The following SH3BP5L variants were observed in gnomAD, a reference collection of about 807,000 sequenced individuals.
SH3BP5L encodes SH3 domain-binding protein 5-like.
A neutral mutation model predicts 40.9 loss-of-function variants in SH3BP5L; 16 were observed. That is an observed-to-expected ratio of 0.39 (90% CI 0.27 to 0.59). The LOEUF (loss-of-function observed/expected upper bound fraction) is 0.59, where lower values mean the gene tolerates loss of function less well. Among genes scored for constraint, SH3BP5L ranks in the 20% least tolerant of loss-of-function variants. The probability of loss-of-function intolerance (pLI) is 0.53; values close to 1 mark genes in which losing one functional copy is unlikely to be tolerated. For missense variants in SH3BP5L, 471 were observed against 544.6 expected (o/e 0.86, Z 1.35); for synonymous variants, 229 against 226.7 (o/e 1.01, Z -0.09).
chr1:248,811,956 G>T lies in SH3BP5L; in HGVS notation c.1126C>A (p.Arg376=). 6.4e-7 allele frequency: 1 copy of T among 1,572,998 alleles called. No individual in the cohort carries two copies. The highest frequency in any genetic ancestry group is 2.3e-5 in the East Asian group (1 of 43,264). The change falls in exon 7 of 7, where the codon CGG becomes AGG. Residue 376 remains arginine, a synonymous_variant. Coordinates refer to ENST00000366472, the MANE Select transcript of SH3BP5L (RefSeq NM_030645.3). The stretch of plus-strand genomic sequence containing the variant: ...CCACGGGCTCCGCCGTCGCTGCCCC[G>T]GCGCCCTCCACTCCGCGTTCCCAGC... ...QELGTRSGGR[R]GSDGGARGGR...
intron 2 of SH3BP5L, among the ~76,000 whole-genome samples, chr1:248,817,249 G>C (rs991855875): frequency 6.6e-6 from 1 of 152,176 alleles, no homozygotes; most frequent in Non-Finnish European, 1.5e-5. Flanking sequence ...GAGTCTCCTT[G>C]GACCTGAAGG....
In SH3BP5L at chr1:248,825,276, G is replaced by C. The variant is rs1197786762; in HGVS notation, c.-341C>G. On this transcript the variant is annotated 5_prime_UTR_variant, in exon 2 of 7. Coordinates refer to ENST00000366472, the MANE Select transcript of SH3BP5L (RefSeq NM_030645.3). Reference sequence around the variant, plus strand: ...CTGCTAGGAGGAGCACCATTCGGGAGGGTGGAGGCAGGCGCCTCCAGGCTG... The same window carrying C: ...CTGCTAGGAGGAGCACCATTCGGGACGGTGGAGGCAGGCGCCTCCAGGCTG... 1 of 1,039,886 alleles carries C rather than the reference G, an allele frequency of 9.6e-7. No individual in the cohort carries two copies. Among genetic ancestry groups the C allele is most frequent in the Non-Finnish European group, 1.2e-6 (1 of 864,676 alleles). 64.4% of individuals were successfully genotyped at this position (1,039,886 alleles called of 1,614,324 possible).
chr1:248,824,978 G>T lies in SH3BP5L; in HGVS notation c.-43C>A, dbSNP rs992725142. 2.6e-6 allele frequency: 4 copies of T among 1,557,802 alleles called. No individual in the cohort carries two copies. The highest frequency in any genetic ancestry group is 2.6e-6 in the Non-Finnish European group (3 of 1,155,468). ...AGAGCCCTATGCACAAGAGAGGACTGACATGCTGGGACCAGGGCCCCAGCT... is the reference window on the plus strand; with the variant it reads ...AGAGCCCTATGCACAAGAGAGGACTTACATGCTGGGACCAGGGCCCCAGCT... On this transcript the variant is annotated 5_prime_UTR_variant, in exon 2 of 7. It introduces an in-frame stop codon into an upstream open reading frame of the 5' UTR. Transcript: ENST00000366472.
At position 248,812,020 on chromosome 1, in the gene SH3BP5L, C is replaced by G. The variant is rs776895965; in HGVS notation, c.1062G>C (p.Leu354Phe). ...GACTGACGTGGTCCGAGAGGCCTCG[C>G]AAGTGCTCCACGGAGTCGCACTTCT... ...DLQKCDSVEHLRGLSDHVSLD... is the reference protein window; with the variant it reads ...DLQKCDSVEHFRGLSDHVSLD... Residue 354 changes from leucine to phenylalanine, a missense_variant, in exon 7 of 7, where the codon TTG becomes TTC. This residue lies in a region of SH3BP5L where 196 missense variants were observed against 174.6 expected (regional missense o/e 1.12). Coordinates refer to ENST00000366472, the MANE Select transcript of SH3BP5L (RefSeq NM_030645.3). This position sits in a 1 kb window ranked among gnomAD's most constrained non-coding sequence, Gnocchi z 6.1. 1 of 1,611,950 alleles carries G rather than the reference C, an allele frequency of 6.2e-7. No individual in the cohort carries two copies. The highest frequency in any genetic ancestry group is 8.5e-7 in the Non-Finnish European group (1 of 1,179,432).
At chr1:248,824,151 C>T (rs1487139468) in intron 2 of SH3BP5L, among the ~76,000 whole-genome samples, 1 of 152,194 alleles carries the variant, frequency 6.6e-6, no homozygotes, top group African/African-American at 2.4e-5. Context: ...TAAGGATTGG[C>T]CACAACAAAA....
At position 248,818,924 on chromosome 1, in the gene SH3BP5L, C is replaced by T. The variant is rs144145146; in HGVS notation, c.184-2040G>A. On this transcript the variant is annotated intron_variant, in intron 2 of 6. Coordinates refer to ENST00000366472, the MANE Select transcript of SH3BP5L (RefSeq NM_030645.3). ...AGAGACCCAGCCCAGCATGTGCCTG[C>T]TGCCCAGACCCATGACTTGCACTTG... 1.3e-3 allele frequency among the ~76,000 whole-genome samples: 200 copies of T among 152,354 alleles called. 1 individual carries two copies. Among genetic ancestry groups the T allele is most frequent in the Middle Eastern group, 3.4e-3 (1 of 294 alleles).
At chr1:248,817,201 C>T (rs1328966920) in intron 2 of SH3BP5L, 1 of 531,858 alleles carries the variant, frequency 1.9e-6, no homozygotes, top group Non-Finnish European at 3.3e-6. Flanking sequence ...TGAGCCCTCA[C>T]TCTCTCCGTG....
intron 4 of SH3BP5L, chr1:248,814,919 G>A (rs1192909555): frequency 2.2e-6 from 1 of 448,384 alleles, no homozygotes; most frequent in African/African-American, 2.0e-5. Context: ...TTAGTGTAAG[G>A]TGGTTAGCAA....
intron 4 of SH3BP5L, 82 bp downstream of exon 4, chr1:248,816,452 T>A: frequency 1.3e-6 from 2 of 1,575,480 alleles, no homozygotes; most frequent in South Asian, 2.2e-5. Context: ...TGGTGTTTTG[T>A]CTCTCACTCC....
chr1:248,811,687 A>T lies in SH3BP5L; in HGVS notation c.*213T>A. 1.3e-5 allele frequency: 7 copies of T among 525,606 alleles called. No individual in the cohort carries two copies. The highest frequency in any genetic ancestry group is 2.8e-5 in the South Asian group (1 of 35,568). 32.6% of individuals were successfully genotyped at this position (525,606 alleles called of 1,614,324 possible). A position where few individuals can be genotyped will look rare whatever the true frequency, so the allele number is the denominator to read the frequency against. On this transcript the variant is annotated 3_prime_UTR_variant, in exon 7 of 7. Coordinates refer to ENST00000366472, the MANE Select transcript of SH3BP5L (RefSeq NM_030645.3). ...CCGAGGGCGAGCCTTCTGAATGGGTAAGGCAAAGAGAGCCGCCTGCTGAGG... is the reference window on the plus strand; with the variant it reads ...CCGAGGGCGAGCCTTCTGAATGGGTTAGGCAAAGAGAGCCGCCTGCTGAGG...
Position 248,814,526 on chromosome 1 carries a change from C to T in SH3BP5L, c.460G>A (p.Ala154Thr). 1 of 1,614,210 alleles carries T rather than the reference C, an allele frequency of 6.2e-7. No individual in the cohort carries two copies. Among genetic ancestry groups the T allele is most frequent in the Non-Finnish European group, 8.5e-7 (1 of 1,180,044 alleles). Residue 154 changes from alanine to threonine, a missense_variant, in exon 5 of 7, where the codon GCT becomes ACT. Physicochemically the swap from Ala to Thr is moderately conservative, Grantham distance 58. Coordinates refer to ENST00000366472, the MANE Select transcript of SH3BP5L (RefSeq NM_030645.3). The part of the protein sequence containing the change: ...HNAAREMVFV[A>T]EQGVMADKNR... ...TTGTCAGCCATGACGCCCTGCTCAG[C>T]CACAAACACCATTTCTCGAGCAGCG...
In SH3BP5L at chr1:248,813,105, G is replaced by A. The variant is rs149049712; in HGVS notation, c.595C>T (p.Arg199Trp). 1,262 of 1,611,272 alleles carry A rather than the reference G, an allele frequency of 7.8e-4. 1 individual carries two copies. The highest frequency in any genetic ancestry group is 9.8e-4 in the Non-Finnish European group (1,159 of 1,178,546). The change falls in exon 6 of 7, where the codon CGG (arginine) becomes TGG (tryptophan). Residue 199 changes from arginine (R) to tryptophan (W), a missense_variant. Around this residue, in one of 2 missense-constraint regions of SH3BP5L, gnomAD observed 275 missense variants for 370.1 expected, o/e 0.74. Transcript: ENST00000366472. Reference protein sequence around the residue: ...RGEREHQRVTRLCQQAEARVQ... With the variant: ...RGEREHQRVTWLCQQAEARVQ... The stretch of plus-strand genomic sequence containing the variant: ...CGAGCCTCAGCCTGTTGGCACAGCC[G>A]AGTCACTCGCTGGTGCTCCCGCTCA...
At chr1:248,818,406 C>T (rs1664165579) in intron 2 of SH3BP5L, among the ~76,000 whole-genome samples, 1 of 151,740 alleles carries the variant, frequency 6.6e-6, no homozygotes, top group Admixed American at 6.6e-5. Context: ...TTCCAGGTGG[C>T]AGAGGAGAGG....
Position 248,821,025 on chromosome 1 carries a change from A to G in SH3BP5L, c.183+3728T>C, listed in dbSNP as rs1664242816. The G allele has an allele frequency of 6.6e-6, 1 of 152,240 alleles. No homozygotes were observed. Among genetic ancestry groups the G allele is most frequent in the African/African-American group, 2.4e-5 (1 of 41,470 alleles). 9.4% of individuals were successfully genotyped at this position (152,240 alleles called of 1,614,324 possible). On this transcript the variant is annotated intron_variant, in intron 2 of 6. Transcript: ENST00000366472. This position sits in a 1 kb window ranked among gnomAD's most constrained non-coding sequence, Gnocchi z 4.6. ...CACCTCCAGCAATTTACAGAAAGCC[A>G]TCTGCTGATGGGATCTGTCCCCTCA...
At chr1:248,813,316 G>C in intron 5 of SH3BP5L, 154 bp from the exon 6 acceptor site, 1 of 692,756 alleles carries the variant, frequency 1.4e-6, no homozygotes, top group Non-Finnish European at 2.2e-6. Context: ...ACACGCAGGG[G>C]AACACGGGGT....
chr1:248,824,964 C>A lies in SH3BP5L; in HGVS notation c.-29G>T. 6.3e-7 allele frequency: 1 copy of A among 1,595,834 alleles called. No individual in the cohort carries two copies. On this transcript the variant is annotated 5_prime_UTR_variant, in exon 2 of 7. Coordinates refer to ENST00000366472, the MANE Select transcript of SH3BP5L (RefSeq NM_030645.3). ...GACAGGGGGAGGGCAGAGCCCTATG[C>A]ACAAGAGAGGACTGACATGCTGGGA...
rs193003986 is a variant in SH3BP5L at position 248,818,707 on chromosome 1, C to A, written c.184-1823G>T. Among the ~76,000 whole-genome samples the A allele has an allele frequency of 1.2e-3, 177 of 152,348 alleles. 1 individual carries two copies. Among genetic ancestry groups the A allele is most frequent in the Non-Finnish European group, 2.1e-3 (144 of 68,032 alleles). ...AAATGGAAGAGAGCTGAGAGGGGTA[C>A]TGGCCTCAAGTCATCCTCCCTTGCC... On this transcript the variant is annotated intron_variant, in intron 2 of 6. Coordinates refer to ENST00000366472, the MANE Select transcript of SH3BP5L (RefSeq NM_030645.3).
At chr1:248,819,631 A>C (rs987903001) in intron 2 of SH3BP5L, among the ~76,000 whole-genome samples, 3 of 137,654 alleles carry the variant, frequency 2.2e-5, no homozygotes, top group Admixed American at 1.6e-4. Flanking sequence ...TGAATCTGGG[A>C]GGCGGAAGTT....
intron 1 of SH3BP5L, 69 bp downstream of exon 1, chr1:248,825,766 G>T: frequency 1.8e-6 from 1 of 545,982 alleles, no homozygotes; most frequent in Non-Finnish European, 2.3e-6. Flanking sequence ...ACACTCTTCC[G>T]CAATCCCAAG....
Sources: gnomAD v4.1 joint callset for allele counts (sites outside exome capture counted in the v4.1 genomes callset) on GRCh38, gnomAD v4.1.1 for gene constraint, gnomAD v4.1.1 regional missense constraint, Gnocchi (gnomAD v3.1) non-coding constraint, MANE v1.5 for transcripts, NCBI Gene and HGNC (gene_info 2026-07-23, HGNC 2026-07-21) for gene names.